Variants in RYR1 observed in about 807,000 individuals in gnomAD.
RYR1 encodes the protein ryanodine receptor 1, also known as central core disease of muscle.
In RYR1, 342 loss-of-function variants were observed where a neutral mutation model predicts 583.5. The observed-to-expected ratio is 0.59, with a 90% CI of 0.54 to 0.64. RYR1 has a LOEUF of 0.64. RYR1 is among the 30% of genes least tolerant of loss of function. RYR1 has a pLI of 0.00. For synonymous variants in RYR1, 2,791 were observed against 2,822.5 expected (o/e 0.99, Z 0.35); for missense variants, 6,032 against 6,917.2 (o/e 0.87, Z 4.54).
chr19:38,558,936 C>G (rs1174574351), intron 89 of RYR1, among the ~76,000 whole-genome samples: 1 of 152,000 alleles, frequency 6.6e-6, no homozygotes, highest in African/African-American at 2.4e-5. Context: ...ACTAAAAATA[C>G]AGAATTAGCC....
intron 67 of RYR1, among the ~76,000 whole-genome samples, chr19:38,522,438 C>T (rs1971264713): frequency 6.6e-6 from 1 of 151,826 alleles, no homozygotes; most frequent in South Asian, 2.1e-4. Context: ...CCTCTTCCTA[C>T]AAAAAATAAA....
At chr19:38,507,568 G>A in intron 57 of RYR1, 144 bp from the exon 58 acceptor site, 4 of 708,606 alleles carry the variant, frequency 5.6e-6, no homozygotes, top group Non-Finnish European at 7.9e-6. Context: ...GGTGGGGCAT[G>A]GGGGACTCAG....
chr19:38,443,653 C>G, intron 4 of RYR1, 21 bp downstream of exon 4: 1 of 1,613,982 alleles, frequency 6.2e-7, no homozygotes, highest in Non-Finnish European at 8.5e-7. Flanking sequence ...CCTCGGTGGG[C>G]GTGGGCAGGG....
intron 79 of RYR1, 83 bp downstream of exon 79, chr19:38,534,902 C>A: frequency 1.4e-6 from 2 of 1,431,310 alleles, no homozygotes; most frequent in Non-Finnish European, 1.9e-6. Context: ...CCCTGTGGAC[C>A]CATTTGCCGC....
rs1211727967 is a variant in RYR1 at position 38,444,290 on chromosome 19, A to G, written c.537+29A>G. On this transcript the variant is annotated intron_variant, in intron 6 of 105. Transcript: ENST00000359596. This position sits in a 1 kb window ranked among gnomAD's most constrained non-coding sequence, Gnocchi z 5.1. ...AGCCATTGCGGTTCCTCCTGCTCCC[A>G]GGTCTGGGGGCGCATGGGATGGTCC... 1.3e-6 allele frequency: 2 copies of G among 1,560,380 alleles called. No individual in the cohort carries two copies. Among genetic ancestry groups the G allele is most frequent in the Non-Finnish European group, 1.8e-6 (2 of 1,132,948 alleles).
intron 7 of RYR1, among the ~76,000 whole-genome samples, chr19:38,445,805 C>G (rs1297016336): frequency 6.6e-6 from 1 of 152,130 alleles, no homozygotes; most frequent in Non-Finnish European, 1.5e-5. Context: ...CCTGGGCCAA[C>G]ATGGCAAAAC....
intron 29 of RYR1, 113 bp from the exon 30 acceptor site, chr19:38,477,597 T>C (rs1968798090): frequency 2.2e-6 from 3 of 1,347,670 alleles, no homozygotes; most frequent in Non-Finnish European, 1.1e-6. Context: ...TCCAACAACT[T>C]CCTGTTAAAC....
rs1460981673 is a variant in RYR1, at chr19:38,499,149, C to T, written c.6933C>T (p.Pro2311=). 1.9e-6 allele frequency: 3 copies of T among 1,614,186 alleles called. No homozygotes were observed. The highest frequency in any genetic ancestry group is 2.7e-5 in the African/African-American group (2 of 75,052). The change falls in exon 43 of 106, where the codon CCC becomes CCT. Residue 2311 remains proline, a synonymous_variant. Coordinates refer to ENST00000359596, the MANE Select transcript of RYR1 (RefSeq NM_000540.3). The surrounding 1 kb of genome is among the most constrained non-coding windows in gnomAD (Gnocchi z 7.3). Reference sequence around the variant, plus strand: ...CAGGCTGTGGCCTCCAGAGCTGCCCCATGCTTGTGGCCAAAGGGTACCCAG... The same window carrying T: ...CAGGCTGTGGCCTCCAGAGCTGCCCTATGCTTGTGGCCAAAGGGTACCCAG... ...YLAGCGLQSC[P]MLVAKGYPDI...
rs558181103 is a variant in RYR1, at chr19:38,460,451, G to A, written c.2437G>A (p.Ala813Thr). Residue 813 changes from alanine (A) to threonine (T), a missense_variant, in exon 20 of 106, where the codon GCT (alanine) becomes ACT (threonine). This residue lies in a region of RYR1 where 2,627 missense variants were observed against 2,961.3 expected (regional missense o/e 0.89). Coordinates refer to ENST00000359596, the MANE Select transcript of RYR1 (RefSeq NM_000540.3). ...PPPGYAPCHE[A>T]VLPRERLHLE... ...ACCTGGCTATGCTCCATGCCATGAG[G>A]CTGTGCTCCCTCGAGAGCGACTCCA... 2 of 1,614,194 alleles carry A rather than the reference G, an allele frequency of 1.2e-6. No individual in the cohort carries two copies. Among genetic ancestry groups the A allele is most frequent in the South Asian group, 2.2e-5 (2 of 91,088 alleles).
At chr19:38,457,671 CA>C in intron 17 of RYR1, 41 bp downstream of exon 17, 1 of 1,599,418 alleles carries the variant, frequency 6.3e-7, no homozygotes, top group East Asian at 2.2e-5. Flanking sequence ...CAGAACCTCT[CA>C]ACCCTCTCCC....
chr19:38,529,220 G>C (rs1971623501), intron 76 of RYR1, among the ~76,000 whole-genome samples, 163 bp downstream of exon 76: 1 of 152,212 alleles, frequency 6.6e-6, no homozygotes, highest in Non-Finnish European at 1.5e-5. Flanking sequence ...GGTGGCTCAC[G>C]CCTGTAGTCC....
rs766002283 is a variant in RYR1 at position 38,546,397 on chromosome 19, G to C, written c.12013-48G>C. On this transcript the variant is annotated intron_variant, in intron 87 of 105. Transcript: ENST00000359596. ...GAGGAGGGGGAGAAGCAACAGAGGT[G>C]GGGGAGGTGTATGCTGAGACCAGCC... is the stretch of plus-strand genomic sequence containing the variant. 7.9e-6 allele frequency: 12 copies of C among 1,519,740 alleles called. No homozygotes were observed. In the East Asian group the frequency reaches 1.8e-4, roughly 23 times the overall value. 94.1% of individuals were successfully genotyped at this position (1,519,740 alleles called of 1,614,324 possible).
chr19:38,513,809 GT>G (rs942616353), intron 63 of RYR1, among the ~76,000 whole-genome samples: 1 of 151,798 alleles, frequency 6.6e-6, no homozygotes, highest in Non-Finnish European at 1.5e-5. Flanking sequence ...AAAGTATTTA[GT>G]TTTTTTTGTT....
At position 38,499,292 on chromosome 19, in the gene RYR1, C is replaced by A; in HGVS notation, c.7027+49C>A. 2 of 1,613,454 alleles carry A rather than the reference C, an allele frequency of 1.2e-6. No homozygotes were observed. Among genetic ancestry groups the A allele is most frequent in the South Asian group, 2.2e-5 (2 of 90,992 alleles). On this transcript the variant is annotated intron_variant, in intron 43 of 105. Transcript: ENST00000359596. The surrounding 1 kb of genome is among the most constrained non-coding windows in gnomAD (Gnocchi z 7.3). ...GAGCGGGAAGTATGGAGTCACTGGT[C>A]ACACACCTCCCTCGAGATGACTGCT...
chr19:38,567,007 A>C lies in RYR1; in HGVS notation c.13514+20A>C. ...AGCCGAGTGAGTGGCCTTGGGGCTG[A>C]GGGGCCTAGCCCCTATCACTGCCTC... On this transcript the variant is annotated intron_variant, in intron 92 of 105. Transcript: ENST00000359596. 1 of 1,570,736 alleles carries C rather than the reference A, an allele frequency of 6.4e-7. No individual in the cohort carries two copies. Among genetic ancestry groups the C allele is most frequent in the Non-Finnish European group, 8.6e-7 (1 of 1,157,540 alleles).
intron 83 of RYR1, among the ~76,000 whole-genome samples, chr19:38,537,394 A>C (rs1019338911): frequency 6.6e-6 from 1 of 152,044 alleles, no homozygotes; most frequent in African/African-American, 2.4e-5. Context: ...GCTGCTTTCA[A>C]GGCATCTGGG....
At chr19:38,570,741 G>A (rs1313282384) in intron 94 of RYR1, 48 bp downstream of exon 94, 1 of 1,444,490 alleles carries the variant, frequency 6.9e-7, no homozygotes. Flanking sequence ...TCCATGCTGT[G>A]GGATGGGAGG....
At position 38,503,088 on chromosome 19, in the gene RYR1, T is replaced by C. The variant is rs1002041902; in HGVS notation, c.7926+118T>C. 8.6e-6 allele frequency: 8 copies of C among 925,604 alleles called. No homozygotes were observed. The Admixed American group carries it at 1.4e-4, about 16-fold the overall frequency. The allele number at this position is 925,604 out of a possible 1,614,324, so 57.3% of individuals were successfully genotyped here. ...GCCCAGCCCAATAAACCTGCACTAG[T>C]TAGGGCAGCGTCCCCGTAGAAATCT... On this transcript the variant is annotated intron_variant, in intron 49 of 105. Coordinates refer to ENST00000359596, the MANE Select transcript of RYR1 (RefSeq NM_000540.3).
chr19:38,587,500 C>G lies in RYR1; in HGVS notation c.*80C>G, dbSNP rs561909203. On this transcript the variant is annotated 3_prime_UTR_variant, in exon 106 of 106. Coordinates refer to ENST00000359596, the MANE Select transcript of RYR1 (RefSeq NM_000540.3). The stretch of plus-strand genomic sequence containing the variant: ...GCCCCTTAGTCCCCAAGCCCCTCCC[C>G]CTAAGGCAGCTGGGGGAGAGGTGAC... 9 of 1,006,998 alleles carry G rather than the reference C, an allele frequency of 8.9e-6. No homozygotes were observed. The highest frequency in any genetic ancestry group is 4.8e-5 in the East Asian group (2 of 41,954). 62.4% of individuals were successfully genotyped at this position (1,006,998 alleles called of 1,614,324 possible). A position where few individuals can be genotyped will look rare whatever the true frequency, so the allele number is the denominator to read the frequency against.
Sources: gnomAD v4.1 joint callset for allele counts (sites outside exome capture counted in the v4.1 genomes callset) on GRCh38, gnomAD v4.1.1 for gene constraint, gnomAD v4.1.1 regional missense constraint, Gnocchi (gnomAD v3.1) non-coding constraint, MANE v1.5 for transcripts, NCBI Gene and HGNC (gene_info 2026-07-23, HGNC 2026-07-21) for gene names.